NALF1: variants seen among roughly 807,000 people sequenced by gnomAD.
The protein encoded by NALF1 is family with sequence similarity 155 member A.
A neutral mutation model predicts 48.4 loss-of-function variants in NALF1; 3 were observed. The observed-to-expected ratio is 0.06, with a 90% CI of 0.03 to 0.16. The LOEUF is 0.16. Ranked by LOEUF, NALF1 falls within the 10% of genes least tolerant of loss-of-function variation. The probability of loss-of-function intolerance (pLI) is 1.00; values close to 1 mark genes in which losing one functional copy is unlikely to be tolerated. For synonymous variants in NALF1, 262 were observed against 245.7 expected (o/e 1.07, Z -0.62); for missense variants, 526 against 571.5 (o/e 0.92, Z 0.81).
At chr13:107,438,804 G>T (rs1024554229) in intron 1 of NALF1, among the ~76,000 whole-genome samples, 1 of 95,204 alleles carries the variant, frequency 1.1e-5, no homozygotes, top group African/African-American at 4.2e-5. Context: ...CTCCAGCCTG[G>T]ATGACAGAGT....
chr13:107,455,408 T>C (rs955240985), intron 1 of NALF1, among the ~76,000 whole-genome samples: 3 of 152,114 alleles, frequency 2.0e-5, no homozygotes, highest in Non-Finnish European at 2.9e-5. Flanking sequence ...CACAGCAAAA[T>C]TGAGTGGAAA....
chr13:107,468,200 G>A (rs942913886), intron 1 of NALF1, among the ~76,000 whole-genome samples: 4 of 152,146 alleles, frequency 2.6e-5, no homozygotes, highest in African/African-American at 7.2e-5. Flanking sequence ...ACAATTCACA[G>A]AAGAAAATTG....
intron 1 of NALF1, among the ~76,000 whole-genome samples, chr13:107,472,427 T>C (rs924094945): frequency 2.0e-4 from 30 of 152,184 alleles, no homozygotes; most frequent in African/African-American, 7.2e-4. Flanking sequence ...TGAAGTATTG[T>C]TCCTGGGTGT....
intron 2 of NALF1, among the ~76,000 whole-genome samples, chr13:107,182,918 G>A (rs1372773385): frequency 6.6e-6 from 1 of 152,280 alleles, no homozygotes; most frequent in East Asian, 1.9e-4. Context: ...ATAAAAACGG[G>A]GGATGGCAGG....
At chr13:107,687,436 G>A (rs959020511) in intron 1 of NALF1, among the ~76,000 whole-genome samples, 5 of 149,470 alleles carry the variant, frequency 3.3e-5, no homozygotes, top group African/African-American at 7.4e-5. Context: ...TAGCAAACCC[G>A]CATATGTAAC....
chr13:107,771,492 T>TATAAC (rs541487558), intron 1 of NALF1, among the ~76,000 whole-genome samples: 5 of 149,044 alleles, frequency 3.4e-5, no homozygotes, highest in African/African-American at 1.2e-4. Flanking sequence ...TATGATACAA[T>TATAAC]ATATAAAATC....
chr13:107,239,277 G>C (rs562775935), intron 1 of NALF1, among the ~76,000 whole-genome samples: 83 of 152,258 alleles, frequency 5.5e-4, no homozygotes, highest in Non-Finnish European at 1.0e-3. Flanking sequence ...TCTCTCCAAG[G>C]CTCCTGGAGA....
chr13:107,256,696 T>TG (rs1417654899), intron 1 of NALF1, among the ~76,000 whole-genome samples: 1 of 152,210 alleles, frequency 6.6e-6, no homozygotes, highest in Non-Finnish European at 1.5e-5. Flanking sequence ...GGACTACCCT[T>TG]GTTTGTCAGT....
intron 1 of NALF1, among the ~76,000 whole-genome samples, chr13:107,413,785 T>G (rs939075024): frequency 6.6e-6 from 1 of 152,132 alleles, no homozygotes; most frequent in African/African-American, 2.4e-5. Context: ...TATAGAAATA[T>G]TTTTAATATT....
chr13:107,445,610 A>G (rs184658059), intron 1 of NALF1, among the ~76,000 whole-genome samples: 33 of 152,336 alleles, frequency 2.2e-4, no homozygotes, highest in African/African-American at 7.5e-4. Flanking sequence ...TATGGTAAGT[A>G]TGTGTTTAGT....
intron 1 of NALF1, among the ~76,000 whole-genome samples, chr13:107,325,887 T>TATATATATATATATACACAC (rs752320518): frequency 5.1e-5 from 3 of 58,912 alleles, no homozygotes; most frequent in Non-Finnish European, 7.1e-5. Flanking sequence ...TATATATATA[T>TATATATATATATATACACAC]ACACACACAC....
At chr13:107,712,972 A>G (rs1203663086) in intron 1 of NALF1, among the ~76,000 whole-genome samples, 2 of 152,196 alleles carry the variant, frequency 1.3e-5, no homozygotes, top group African/African-American at 4.8e-5. Flanking sequence ...GACTGTGTCC[A>G]GCATGTTAAC....
At chr13:107,538,282 C>G (rs1876896565) in intron 1 of NALF1, among the ~76,000 whole-genome samples, 1 of 152,128 alleles carries the variant, frequency 6.6e-6, no homozygotes, top group African/African-American at 2.4e-5. Flanking sequence ...CTTCTTTTCA[C>G]TCTTCATGCT....
At chr13:107,360,344 A>G (rs1397432207) in intron 1 of NALF1, among the ~76,000 whole-genome samples, 2 of 152,142 alleles carry the variant, frequency 1.3e-5, no homozygotes, top group Non-Finnish European at 2.9e-5. Flanking sequence ...CCCAAATTGT[A>G]TTACTCTTCA....
At chr13:107,263,604 T>A (rs768912572) in intron 1 of NALF1, among the ~76,000 whole-genome samples, 1 of 152,168 alleles carries the variant, frequency 6.6e-6, no homozygotes, top group Non-Finnish European at 1.5e-5. Flanking sequence ...GATGGTTTTA[T>A]AAGGGGAAAT....
chr13:107,478,239 G>A (rs1310114143), intron 1 of NALF1, among the ~76,000 whole-genome samples: 1 of 152,122 alleles, frequency 6.6e-6, no homozygotes, highest in African/African-American at 2.4e-5. Context: ...TAAGAAATGT[G>A]CATTTTTGAT....
intron 1 of NALF1, among the ~76,000 whole-genome samples, chr13:107,528,311 G>A (rs1876511514): frequency 1.3e-5 from 2 of 152,004 alleles, no homozygotes; most frequent in Non-Finnish European, 2.9e-5. Context: ...TAATAAGTAA[G>A]TTAAAACTAT....
chr13:107,621,120 C>T (rs181950691), intron 1 of NALF1, among the ~76,000 whole-genome samples: 1 of 152,200 alleles, frequency 6.6e-6, no homozygotes, highest in East Asian at 1.9e-4. Context: ...TCCGGATGAA[C>T]TTGCAGTTAG....
At chr13:107,537,647 G>T (rs73591152) in intron 1 of NALF1, among the ~76,000 whole-genome samples, 6,013 of 152,128 alleles carry the variant, frequency 0.04, 411 homozygotes, top group African/African-American at 0.14. Context: ...TGAGGATGTG[G>T]TCAGCTTCAC....
Sources: allele counts gnomAD v4.1 joint callset (sites outside exome capture counted in the v4.1 genomes callset), GRCh38; gene constraint gnomAD v4.1.1; transcripts MANE v1.5; gene names NCBI Gene and HGNC (gene_info 2026-07-23, HGNC 2026-07-21).